The following NTRK2 variants were observed in gnomAD, a reference collection of about 807,000 sequenced individuals.
The protein encoded by NTRK2 is neurotrophic receptor tyrosine kinase 2.
In NTRK2, 13 loss-of-function variants were observed where a neutral mutation model predicts 94.5. The observed-to-expected ratio is 0.14, with a 90% CI of 0.09 to 0.22. NTRK2 has a LOEUF of 0.22. NTRK2 is among the 10% of genes least tolerant of loss of function. The probability of loss-of-function intolerance (pLI) is 1.00; values close to 1 mark genes in which losing one functional copy is unlikely to be tolerated. For missense variants in NTRK2, 639 were observed against 1,071.2 expected, an observed-to-expected ratio of 0.60 and a Z score of 5.63; for synonymous variants, 372 against 407.4, an observed-to-expected ratio of 0.91 and a Z score of 1.05.
chr9:84,871,154 T>C (rs1473221867), intron 14 of NTRK2, among the ~76,000 whole-genome samples: 1 of 152,128 alleles, frequency 6.6e-6, no homozygotes, highest in Non-Finnish European at 1.5e-5. Flanking sequence ...TGCAATGTGA[T>C]AGACATTACA....
chr9:84,985,281 G>A (rs376173061), intron 17 of NTRK2, among the ~76,000 whole-genome samples: 17 of 152,160 alleles, frequency 1.1e-4, no homozygotes, highest in African/African-American at 3.4e-4. Flanking sequence ...CAATTTGAAG[G>A]AGGTATGATC....
chr9:84,897,940 C>T (rs1211107331), intron 14 of NTRK2, among the ~76,000 whole-genome samples: 1 of 152,142 alleles, frequency 6.6e-6, no homozygotes, highest in East Asian at 1.9e-4. Context: ...CAGCTTAGCC[C>T]AGGGTGGGCA....
intron 17 of NTRK2, among the ~76,000 whole-genome samples, chr9:85,000,386 G>A (rs1243602012): frequency 6.6e-6 from 1 of 152,066 alleles, no homozygotes; most frequent in Non-Finnish European, 1.5e-5. Flanking sequence ...TCCTCCGTGT[G>A]TCTCCTATTC....
In NTRK2 at chr9:84,669,867, G is replaced by A. The variant is rs1438776931; in HGVS notation, c.-394G>A. Reference sequence around the variant, plus strand: ...AGCCTGGACCCAGGCGCCGCCGGCGGGCGTGAGGCGCCGGAGCCCGGGTGA... The same window carrying A: ...AGCCTGGACCCAGGCGCCGCCGGCGAGCGTGAGGCGCCGGAGCCCGGGTGA... On this transcript the variant is annotated 5_prime_UTR_variant, in exon 1 of 19. Coordinates refer to ENST00000277120, the MANE Select transcript of NTRK2 (RefSeq NM_006180.6). This position sits in a 1 kb window ranked among gnomAD's most constrained non-coding sequence, Gnocchi z 4.1. The A allele has an allele frequency of 6.6e-6, 1 of 152,416 alleles. No homozygotes were observed. The highest frequency in any genetic ancestry group is 2.4e-5 in the African/African-American group (1 of 41,446). 9.4% of individuals were successfully genotyped at this position (152,416 alleles called of 1,614,324 possible). A position where few individuals can be genotyped will look rare whatever the true frequency, so the allele number is the denominator to read the frequency against.
intron 12 of NTRK2, among the ~76,000 whole-genome samples, chr9:84,806,769 G>A (rs2071167798): frequency 6.6e-6 from 1 of 152,236 alleles, no homozygotes; most frequent in Admixed American, 6.5e-5. Flanking sequence ...CCCAGATGCT[G>A]AACAAAGCAC....
Position 84,747,829 on chromosome 9 carries a change from A to G in NTRK2, c.1296+2756A>G, listed in dbSNP as rs1450086886. Among the ~76,000 whole-genome samples the G allele has an allele frequency of 2.6e-5, 4 of 152,188 alleles. No individual in the cohort carries two copies. The East Asian group carries it at 5.8e-4, about 22-fold the overall frequency. On this transcript the variant is annotated intron_variant, in intron 11 of 18. Transcript: ENST00000277120. Reference sequence around the variant, plus strand: ...TGATAAATTTAGGCACCTGATTGGCATATCTCCATCTATAGTATAGTTGCT... The same window carrying G: ...TGATAAATTTAGGCACCTGATTGGCGTATCTCCATCTATAGTATAGTTGCT...
chr9:84,777,274 T>C (rs1472678348), intron 12 of NTRK2, among the ~76,000 whole-genome samples: 2 of 152,328 alleles, frequency 1.3e-5, no homozygotes, highest in Non-Finnish European at 2.9e-5. Flanking sequence ...AGATGAGAGA[T>C]GTGACACCGT....
At chr9:84,716,551 T>C (rs1298132942) in intron 6 of NTRK2, among the ~76,000 whole-genome samples, 4 of 152,006 alleles carry the variant, frequency 2.6e-5, no homozygotes, top group Non-Finnish European at 5.9e-5. Flanking sequence ...ATTAATGCTC[T>C]ATGTGGAAGT....
chr9:84,711,307 C>G (rs751096805), intron 6 of NTRK2, among the ~76,000 whole-genome samples: 1 of 152,230 alleles, frequency 6.6e-6, no homozygotes, highest in Non-Finnish European at 1.5e-5. Context: ...ATGCCACGTG[C>G]TTCTCCCCAT....
rs181353809 is a variant in NTRK2 at position 84,811,202 on chromosome 9, A to G, written c.1397-49838A>G. The G allele has an allele frequency of 1.2e-5, 13 of 1,063,206 alleles. No individual in the cohort carries two copies. The East Asian group carries it at 5.6e-4, about 46-fold the overall frequency. The allele number at this position is 1,063,206 out of a possible 1,614,324, so 65.9% of individuals were successfully genotyped here. The stretch of plus-strand genomic sequence containing the variant: ...TAAAAGGTTATTTCCTTCACTGTCA[A>G]TAAAAGTCCAAATGTTTAGCTTAGG... On this transcript the variant is annotated intron_variant, in intron 12 of 18. Coordinates refer to ENST00000277120, the MANE Select transcript of NTRK2 (RefSeq NM_006180.6).
intron 14 of NTRK2, among the ~76,000 whole-genome samples, chr9:84,880,587 G>A (rs750295158): frequency 2.0e-5 from 3 of 152,146 alleles, no homozygotes; most frequent in African/African-American, 4.8e-5. Context: ...ACAAGAGTTG[G>A]CATTCATACG....
rs559158787 is a variant in NTRK2, at chr9:84,704,274, G to A, written c.359+1855G>A. Among the ~76,000 whole-genome samples the A allele has an allele frequency of 4.2e-3, 597 of 141,682 alleles. 14 individuals carry two copies. The highest frequency in any genetic ancestry group is 1.0e-2 in the South Asian group (44 of 4,410). The allele number at this position is 141,682 out of a possible 152,430, so 92.9% of individuals were successfully genotyped here. A position where few individuals can be genotyped will look rare whatever the true frequency, so the allele number is the denominator to read the frequency against. On this transcript the variant is annotated intron_variant, in intron 4 of 18. Coordinates refer to ENST00000277120, the MANE Select transcript of NTRK2 (RefSeq NM_006180.6). ...GATGGAGTCTCGCTCTGTCACCCAG[G>A]CTGGAGTGCAGTGGCTCGATCTCGG...
chr9:84,730,501 G>A (rs1488526150), intron 9 of NTRK2, among the ~76,000 whole-genome samples: 1 of 139,890 alleles, frequency 7.1e-6, no homozygotes, highest in East Asian at 2.1e-4. Flanking sequence ...AGCACTTTGG[G>A]AGGCCGAGGC....
intron 12 of NTRK2, among the ~76,000 whole-genome samples, chr9:84,785,346 A>G (rs962733759): frequency 1.3e-5 from 2 of 152,220 alleles, no homozygotes; most frequent in African/African-American, 4.8e-5. Flanking sequence ...TTGATCACCC[A>G]TGATAGTTGG....
chr9:84,995,595 C>CTA (rs1829661070), intron 17 of NTRK2, among the ~76,000 whole-genome samples: 3 of 152,292 alleles, frequency 2.0e-5, no homozygotes, highest in South Asian at 4.1e-4. Flanking sequence ...CACACTTGGG[C>CTA]AAGTCTTTTA....
chr9:84,730,144 G>T (rs2062737465), intron 9 of NTRK2, among the ~76,000 whole-genome samples: 1 of 151,862 alleles, frequency 6.6e-6, no homozygotes, highest in Admixed American at 6.6e-5. Flanking sequence ...AATTTATTAG[G>T]TCCTTAAAAT....
chr9:84,944,749 C>T (rs1193611183), intron 15 of NTRK2, among the ~76,000 whole-genome samples: 2 of 152,148 alleles, frequency 1.3e-5, no homozygotes, highest in Non-Finnish European at 2.9e-5. Context: ...TGGGTTGGCC[C>T]CTGGGCCTTA....
At chr9:84,739,637 A>G (rs2063497366) in intron 9 of NTRK2, among the ~76,000 whole-genome samples, 1 of 152,138 alleles carries the variant, frequency 6.6e-6, no homozygotes, top group South Asian at 2.1e-4. Flanking sequence ...TGTAAAAGCG[A>G]TGGTGACCAC....
intron 17 of NTRK2, among the ~76,000 whole-genome samples, chr9:84,968,626 C>T (rs1036223469): frequency 1.3e-5 from 2 of 152,188 alleles, no homozygotes; most frequent in African/African-American, 4.8e-5. Context: ...GATTTATTCT[C>T]ACTTTCAATA....
Sources: allele counts gnomAD v4.1 joint callset (sites outside exome capture counted in the v4.1 genomes callset), GRCh38; gene constraint gnomAD v4.1.1; non-coding constraint Gnocchi (gnomAD v3.1); transcripts MANE v1.5; gene names NCBI Gene and HGNC (gene_info 2026-07-23, HGNC 2026-07-21).